The following INSL6 variants were observed in gnomAD, a reference collection of about 807,000 sequenced individuals.
INSL6 encodes insulin like 6.
In INSL6, 16 loss-of-function variants were observed where a neutral mutation model predicts 9.4. The ratio of observed to expected loss-of-function variants is 1.70; its 90% confidence interval spans 1.15 to 2.59. INSL6 has a LOEUF of 2.59. Among genes scored for constraint, INSL6 ranks in the 30% most tolerant of loss-of-function variants. The probability of loss-of-function intolerance (pLI) is 0.00; values close to 1 mark genes in which losing one functional copy is unlikely to be tolerated. For missense variants in INSL6, 391 were observed against 257.3 expected, an observed-to-expected ratio of 1.52 and a Z score of -3.56; for synonymous variants, 154 against 96.9, an observed-to-expected ratio of 1.59 and a Z score of -3.46.
Position 5,175,906 on chromosome 9 carries a change from G to C in INSL6, c.289+9408C>G, listed in dbSNP as rs1045040738. Among the ~76,000 whole-genome samples the C allele has an allele frequency of 4.6e-5, 7 of 152,232 alleles. No individual in the cohort carries two copies. The South Asian group carries it at 8.3e-4, about 18-fold the overall frequency. Reference sequence around the variant, plus strand: ...TAATTATTTCATTAAACATTACCATGTAATAGTAATAGAAATAAAGTTCAC... The same window carrying C: ...TAATTATTTCATTAAACATTACCATCTAATAGTAATAGAAATAAAGTTCAC... On this transcript the variant is annotated intron_variant, in intron 1 of 1. Transcript: ENST00000381641.
the INSL6 span, among the ~76,000 whole-genome samples, chr9:4,998,591 T>G: frequency 6.6e-6 from 1 of 151,962 alleles, no homozygotes; most frequent in South Asian, 2.1e-4. Context: ...TTACAGCACT[T>G]GTCCCATATT....
At chr9:5,153,231 C>T (rs957144065) in intron 2 of INSL6, among the ~76,000 whole-genome samples, 1 of 152,050 alleles carries the variant, frequency 6.6e-6, no homozygotes, top group African/African-American at 2.4e-5. Flanking sequence ...AGCCAGGGAG[C>T]CAAGTAGTCT....
chr9:5,069,962 T>G, the INSL6 span: 1 of 1,607,048 alleles, frequency 6.2e-7, no homozygotes, highest in South Asian at 1.1e-5. Context: ...CGAATGGTGT[T>G]TCTGATGTAC....
the INSL6 span, among the ~76,000 whole-genome samples, chr9:5,054,249 AAT>A: frequency 6.6e-6 from 1 of 152,062 alleles, no homozygotes; most frequent in Non-Finnish European, 1.5e-5. The surrounding 1 kb of genome is among the most constrained non-coding windows in gnomAD (Gnocchi z 4.9). Flanking sequence ...TGGTATGTGA[AAT>A]AGAGAAAAGG....
At chr9:5,035,157 C>A in the INSL6 span, among the ~76,000 whole-genome samples, 1 of 152,182 alleles carries the variant, frequency 6.6e-6, no homozygotes, top group Non-Finnish European at 1.5e-5. Context: ...TTCCTGGACA[C>A]ATACACCCTC....
the INSL6 span, among the ~76,000 whole-genome samples, chr9:5,063,403 A>C: frequency 6.6e-6 from 1 of 152,210 alleles, no homozygotes; most frequent in African/African-American, 2.4e-5. Context: ...CTTACTTTGT[A>C]GTGTGGACTG....
At chr9:5,117,781 G>C in the INSL6 span, among the ~76,000 whole-genome samples, 4 of 152,124 alleles carry the variant, frequency 2.6e-5, no homozygotes, top group African/African-American at 7.2e-5. Context: ...ATTTTTAAGA[G>C]TATACGAGGA....
chr9:5,139,837 G>A lies in INSL6; in HGVS notation c.377-6245C>T, dbSNP rs1397187365. ...ATTTTTAAAGAAATGAGCCTAGGTT[G>A]TAAACAAACCACAAATTTTAATCAT... On this transcript the variant is annotated intron_variant, in intron 2 of 3. Transcript: ENST00000649639. 2.6e-5 allele frequency among the ~76,000 whole-genome samples: 4 copies of A among 152,278 alleles called. No homozygotes were observed. The South Asian group carries it at 6.2e-4, about 24-fold the overall frequency.
intron 2 of INSL6, among the ~76,000 whole-genome samples, chr9:5,137,689 A>G (rs1345813174): frequency 6.6e-6 from 1 of 152,248 alleles, no homozygotes; most frequent in Admixed American, 6.5e-5. Context: ...CAAAGACTTC[A>G]TGACTAAAAC....
the INSL6 span, among the ~76,000 whole-genome samples, chr9:5,003,365 C>T: frequency 2.0e-5 from 3 of 151,826 alleles, no homozygotes; most frequent in Non-Finnish European, 4.4e-5. Context: ...TGGTCTATCC[C>T]TCTCTTATTT....
chr9:5,014,228 T>A, the INSL6 span, among the ~76,000 whole-genome samples: 1 of 147,846 alleles, frequency 6.8e-6, no homozygotes, highest in African/African-American at 2.5e-5. Flanking sequence ...GGACTTGAAC[T>A]CCTGAGCTAA....
At chr9:5,153,084 C>T (rs1191350075) in intron 2 of INSL6, among the ~76,000 whole-genome samples, 1 of 152,106 alleles carries the variant, frequency 6.6e-6, no homozygotes, top group Non-Finnish European at 1.5e-5. Flanking sequence ...CCACCAGGGC[C>T]CAGGGTTTCC....
chr9:5,081,411 C>T, the INSL6 span, among the ~76,000 whole-genome samples: 1 of 152,006 alleles, frequency 6.6e-6, no homozygotes, highest in East Asian at 1.9e-4. Context: ...TGTGTTTGAC[C>T]TATAGGTGCT....
chr9:5,114,827 C>T, the INSL6 span: 1 of 273,446 alleles, frequency 3.7e-6, no homozygotes, highest in Non-Finnish European at 7.2e-6. Flanking sequence ...CCTTCCTCCC[C>T]ACTAGGGCTC....
the INSL6 span, among the ~76,000 whole-genome samples, chr9:5,105,499 T>G: frequency 6.6e-6 from 1 of 152,292 alleles, no homozygotes; most frequent in Non-Finnish European, 1.5e-5. Context: ...CCAAAGTAAT[T>G]TATAGATTCA....
At chr9:5,079,439 C>T in the INSL6 span, among the ~76,000 whole-genome samples, 1 of 151,766 alleles carries the variant, frequency 6.6e-6, no homozygotes, top group South Asian at 2.1e-4. Flanking sequence ...TTCCATATAT[C>T]TAGAATATTT....
the INSL6 span, chr9:5,041,255 A>G: frequency 3.5e-6 from 5 of 1,423,180 alleles, no homozygotes; most frequent in Admixed American, 8.6e-5. Flanking sequence ...CGCCATCCAC[A>G]TCATCGACCT....
chr9:5,079,456 A>C, the INSL6 span, among the ~76,000 whole-genome samples: 1 of 151,680 alleles, frequency 6.6e-6, no homozygotes, highest in Non-Finnish European at 1.5e-5. Flanking sequence ...ATTTTGGTGC[A>C]ATTTAGCCTT....
intron 2 of INSL6, among the ~76,000 whole-genome samples, chr9:5,139,016 AT>A (rs1280340397): frequency 6.6e-6 from 1 of 152,300 alleles, no homozygotes; most frequent in Non-Finnish European, 1.5e-5. Flanking sequence ...ATCTTTCACT[AT>A]TAAAACCATA....
Sources: gnomAD v4.1 joint callset for allele counts (sites outside exome capture counted in the v4.1 genomes callset) on GRCh38, gnomAD v4.1.1 for gene constraint, Gnocchi (gnomAD v3.1) non-coding constraint, MANE v1.5 for transcripts, NCBI Gene and HGNC (gene_info 2026-07-23, HGNC 2026-07-21) for gene names.